Variants in VPS13D observed in about 807,000 individuals in gnomAD.
VPS13D encodes the protein vacuolar protein sorting 13 homolog D, also known as intermembrane lipid transfer protein VPS13D.
VPS13D carries 187 observed loss-of-function variants against 461.9 expected under a neutral mutation model. That is an observed-to-expected ratio of 0.40 (90% CI 0.36 to 0.46). The LOEUF is 0.46. Among genes scored for constraint, VPS13D ranks in the 20% least tolerant of loss-of-function variants. The probability of loss-of-function intolerance (pLI) is 0.60; values close to 1 mark genes in which losing one functional copy is unlikely to be tolerated. For missense variants in VPS13D, 4,711 were observed against 5,364.9 expected (o/e 0.88, Z 3.81); for synonymous variants, 1,951 against 1,986.3 (o/e 0.98, Z 0.47).
chr1:12,321,658 G>A (rs1334237519), intron 32 of VPS13D, 151 bp from the exon 33 acceptor site: 3 of 810,720 alleles, frequency 3.7e-6, no homozygotes, highest in South Asian at 2.2e-5. Flanking sequence ...GCGGTGGGGG[G>A]CTTCACTCTT....
chr1:12,486,273 G>A (rs969380617), intron 67 of VPS13D, among the ~76,000 whole-genome samples: 3 of 152,192 alleles, frequency 2.0e-5, no homozygotes, highest in Non-Finnish European at 2.9e-5. Flanking sequence ...CCAGCTGGTC[G>A]GGAGGAAGAT....
At chr1:12,404,437 A>G (rs1462387562) in intron 63 of VPS13D, among the ~76,000 whole-genome samples, 2 of 152,062 alleles carry the variant, frequency 1.3e-5, no homozygotes, top group Non-Finnish European at 2.9e-5. Context: ...TGTCACTAGG[A>G]TTGTCTACTA....
chr1:12,381,970 C>CTTTCT (rs1240805718), intron 57 of VPS13D, among the ~76,000 whole-genome samples: 1 of 131,908 alleles, frequency 7.6e-6, no homozygotes, highest in African/African-American at 2.9e-5. Context: ...TTCTTTCTTT[C>CTTTCT]TTTCTTTCTT....
In VPS13D at chr1:12,341,762, T is replaced by G. The variant is rs1643572838; in HGVS notation, c.8627-18T>G. 4 of 1,612,188 alleles carry G rather than the reference T, an allele frequency of 2.5e-6. No individual in the cohort carries two copies. The highest frequency in any genetic ancestry group is 1.1e-5 in the South Asian group (1 of 90,986). On this transcript the variant is annotated intron_variant, in intron 40 of 69. Coordinates refer to ENST00000620676, the MANE Select transcript of VPS13D (RefSeq NM_015378.4). ...CAGATAGGGGCGTCTGCTCATAGCC[T>G]TCTTCTGTTTGTCGTAGCAGAGGTG... is the stretch of plus-strand genomic sequence containing the variant.
chr1:12,267,648 A>G (rs1279195819), intron 14 of VPS13D, among the ~76,000 whole-genome samples, 197 bp from the exon 15 acceptor site: 3 of 152,196 alleles, frequency 2.0e-5, no homozygotes, highest in Admixed American at 2.0e-4. Flanking sequence ...TGTCAGTACA[A>G]AGGAAAAGAT....
At chr1:12,452,550 T>A (rs894427583) in intron 65 of VPS13D, among the ~76,000 whole-genome samples, 2 of 152,222 alleles carry the variant, frequency 1.3e-5, no homozygotes, top group Non-Finnish European at 2.9e-5. Flanking sequence ...GGGCAGGACT[T>A]ACCTTCCCAC....
At chr1:12,467,233 A>G (rs189156727) in intron 67 of VPS13D, among the ~76,000 whole-genome samples, 42 of 152,260 alleles carry the variant, frequency 2.8e-4, no homozygotes, top group Non-Finnish European at 5.3e-4. Context: ...ATGCAGTGGC[A>G]CAACCTCGGC....
intron 50 of VPS13D, among the ~76,000 whole-genome samples, chr1:12,360,068 C>G (rs191342236): frequency 6.6e-6 from 1 of 152,120 alleles, no homozygotes; most frequent in Non-Finnish European, 1.5e-5. Context: ...TTGAGCAAAC[C>G]GATCAGACAT....
chr1:12,312,062 T>A (rs1188234547), intron 29 of VPS13D, 137 bp downstream of exon 29: 9 of 699,814 alleles, frequency 1.3e-5, no homozygotes, highest in Non-Finnish European at 2.1e-5. Flanking sequence ...TTTTGGTTGA[T>A]CTACACAGTG....
rs752687111 is a variant in VPS13D at position 12,323,785 on chromosome 1, T to C, written c.7990+5T>C. The C allele has an allele frequency of 1.2e-6, 2 of 1,613,958 alleles. No individual in the cohort carries two copies. Among genetic ancestry groups the C allele is most frequent in the Admixed American group, 3.3e-5 (2 of 59,998 alleles). ...AAGCTCTTTTGGCGTGTCAAGGTAA[T>C]TTGAACAGGGTTCTGTTACCCGTTG... On this transcript the variant is annotated splice_donor_5th_base_variant and intron_variant, in intron 35 of 69. Transcript: ENST00000620676.
chr1:12,234,262 T>G lies in VPS13D; in HGVS notation c.-5T>G, dbSNP rs1640076197. On this transcript the variant is annotated 5_prime_UTR_variant, in exon 2 of 70. The change abolishes the stop of an existing upstream ORF in the 5' untranslated region. Coordinates refer to ENST00000620676, the MANE Select transcript of VPS13D (RefSeq NM_015378.4). ...TTCTAAACACCTTTTCCTGAGGATA[T>G]AGTCATGTTGGAAGGCCTTGTAGCC... is the stretch of plus-strand genomic sequence containing the variant. 2 of 1,606,080 alleles carry G rather than the reference T, an allele frequency of 1.2e-6. No individual in the cohort carries two copies. The highest frequency in any genetic ancestry group is 2.2e-5 in the South Asian group (2 of 90,888).
chr1:12,461,043 A>G (rs891919092), intron 67 of VPS13D, among the ~76,000 whole-genome samples: 3 of 152,196 alleles, frequency 2.0e-5, no homozygotes, highest in African/African-American at 7.2e-5. Context: ...TCCAAACCCC[A>G]CAGAACCCAA....
At chr1:12,496,419 A>G (rs1183417901) in intron 67 of VPS13D, among the ~76,000 whole-genome samples, 1 of 152,146 alleles carries the variant, frequency 6.6e-6, no homozygotes, top group African/African-American at 2.4e-5. Context: ...TTCTGTCCAT[A>G]TTTCCAACCT....
At chr1:12,297,570 TA>T (rs1352517006) in intron 24 of VPS13D, among the ~76,000 whole-genome samples, 2 of 152,248 alleles carry the variant, frequency 1.3e-5, no homozygotes, top group African/African-American at 4.8e-5. Context: ...AATACGGAGA[TA>T]GCAGAATTAA....
rs767265939 is a variant in VPS13D at position 12,275,855 on chromosome 1, C to T, written c.2267C>T (p.Ser756Leu). Residue 756 changes from serine (S) to leucine (L), a missense_variant, in exon 19 of 70, where the codon TCA becomes TTA. By Grantham distance (145) the Ser-to-Leu change is moderately radical. Transcript: ENST00000620676. Reference protein sequence around the residue: ...DNSRRKSRDGSASEETQFSDD... With the variant: ...DNSRRKSRDGLASEETQFSDD... The stretch of plus-strand genomic sequence containing the variant: ...TCCAGGAGGAAAAGTAGGGATGGGT[C>T]AGCATCTGAAGAGACCCAGTTTAGT... 3.1e-6 allele frequency: 5 copies of T among 1,603,336 alleles called. No individual in the cohort carries two copies. The highest frequency in any genetic ancestry group is 1.1e-5 in the South Asian group (1 of 89,444).
Position 12,244,406 on chromosome 1 carries a change from A to G in VPS13D, c.336A>G (p.Ala112=), listed in dbSNP as rs780440511. ...TGTTGGAAAGGGAACGTAAGAAAGC[A>G]CTACTTCAAGCCCTGGAGGAGAAAT... ...EKLLERERKK[A]LLQALEEKWK... Residue 112 remains alanine (A), a synonymous_variant, in exon 4 of 70, where the codon GCA becomes GCG. Coordinates refer to ENST00000620676, the MANE Select transcript of VPS13D (RefSeq NM_015378.4). The G allele has an allele frequency of 1.9e-6, 3 of 1,614,202 alleles. No homozygotes were observed. The highest frequency in any genetic ancestry group is 2.5e-6 in the Non-Finnish European group (3 of 1,180,036).
chr1:12,430,589 C>A (rs371838895), intron 65 of VPS13D, among the ~76,000 whole-genome samples: 1 of 152,188 alleles, frequency 6.6e-6, no homozygotes, highest in African/African-American at 2.4e-5. Flanking sequence ...TTGCCAAGAC[C>A]GTGCAGTCAG....
intron 30 of VPS13D, 141 bp downstream of exon 30, chr1:12,314,468 T>C (rs1557703892): frequency 1.4e-6 from 1 of 737,472 alleles, no homozygotes; most frequent in Non-Finnish European, 2.2e-6. Flanking sequence ...TGCAGTGTAC[T>C]GTATATTAAT....
chr1:12,362,527 T>C (rs1643966432), intron 50 of VPS13D, among the ~76,000 whole-genome samples, 193 bp from the exon 51 acceptor site: 1 of 152,214 alleles, frequency 6.6e-6, no homozygotes, highest in East Asian at 1.9e-4. Context: ...AAGGCCTAAA[T>C]GGGAATAAGG....
Sources: allele counts gnomAD v4.1 joint callset (sites outside exome capture counted in the v4.1 genomes callset), GRCh38; gene constraint gnomAD v4.1.1; transcripts MANE v1.5; gene names NCBI Gene and HGNC (gene_info 2026-07-23, HGNC 2026-07-21).